SH2B1: variants seen among roughly 807,000 people sequenced by gnomAD.
SH2B1 encodes SH2B adapter protein 1.
Under a neutral mutation model 62.6 loss-of-function variants are expected in SH2B1, and 15 were observed. The observed-to-expected ratio is 0.24, with a 90% confidence interval of 0.16 to 0.37. The LOEUF is 0.37. Among genes scored for constraint, SH2B1 ranks in the 10% least tolerant of loss-of-function variants. SH2B1 has a pLI of 1.00. For synonymous variants in SH2B1, 443 were observed against 438.0 expected (o/e 1.01, Z -0.14); for missense variants, 925 against 1,015.6 (o/e 0.91, Z 1.21).
At position 28,865,113 on chromosome 16, in the gene SH2B1, G is replaced by A. The variant is rs1427699184; in HGVS notation, c.-982G>A. On this transcript the variant is annotated 5_prime_UTR_variant, in exon 1 of 8. Transcript: ENST00000684370. ...CTGCCTTTAGGGCATACTCCCCAGTGGGAGAAGAGGAAGGTGAAAAATCCT... is the reference window on the plus strand; with the variant it reads ...CTGCCTTTAGGGCATACTCCCCAGTAGGAGAAGAGGAAGGTGAAAAATCCT... 1 of 985,454 alleles carries A rather than the reference G, an allele frequency of 1.0e-6. No individual in the cohort carries two copies. The highest frequency in any genetic ancestry group is 1.2e-6 in the Non-Finnish European group (1 of 829,974). The allele number at this position is 985,454 out of a possible 1,614,324, so 61.0% of individuals were successfully genotyped here.
At chr16:28,867,814 A>G (rs1258927307) in intron 2 of SH2B1, among the ~76,000 whole-genome samples, 1 of 152,130 alleles carries the variant, frequency 6.6e-6, no homozygotes, top group Non-Finnish European at 1.5e-5. Context: ...ATGTGACACC[A>G]TGCCTGGCTA....
chr16:28,853,927 G>A (rs192791670), intron 1 of SH2B1, among the ~76,000 whole-genome samples: 51 of 149,250 alleles, frequency 3.4e-4, no homozygotes, highest in African/African-American at 1.2e-3. Context: ...CGTAAAACCC[G>A]GGAGGTGGAG....
intron 1 of SH2B1, among the ~76,000 whole-genome samples, chr16:28,847,880 C>T (rs1431318513): frequency 1.5e-5 from 2 of 133,610 alleles, no homozygotes; most frequent in East Asian, 2.3e-4. Context: ...GGCTGGAGTG[C>T]AATGGGGCGA....
rs1466172903 is a variant in SH2B1, at chr16:28,852,456, ATATT to A, written c.-301+5633_-301+5636del. 6.3e-5 allele frequency among the ~76,000 whole-genome samples: 6 copies of A among 95,626 alleles called. 2 individuals carry two copies. The East Asian group carries it at 8.7e-4, about 14-fold the overall frequency. 62.7% of individuals were successfully genotyped at this position (95,626 alleles called of 152,430 possible). A position where few individuals can be genotyped will look rare whatever the true frequency, so the allele number is the denominator to read the frequency against. On this transcript the variant is annotated intron_variant, in intron 1 of 10. Coordinates refer to the SH2B1 transcript ENST00000322610. ...TATATTTATATATATATTTACATAT[ATATT>A]TATATATATACATATATATTTATAT... is the stretch of plus-strand genomic sequence containing the variant.
intron 1 of SH2B1, 25 bp from the exon 2 acceptor site, chr16:28,867,306 G>C: frequency 6.4e-7 from 1 of 1,565,898 alleles, no homozygotes; most frequent in African/African-American, 1.4e-5. Flanking sequence ...CAAACACCCA[G>C]ATCTGTTTCT....
At chr16:28,853,612 C>T (rs1268213708) in intron 1 of SH2B1, among the ~76,000 whole-genome samples, 1 of 147,960 alleles carries the variant, frequency 6.8e-6, no homozygotes, top group Admixed American at 7.0e-5. Context: ...ACTTTAGCTT[C>T]CTGAAATGCT....
Position 28,871,987 on chromosome 16 carries a change from C to A in SH2B1, c.1513+4C>A. ...GACACTCCGGAAACAGCCACAGGTA[C>A]CGGAGGTGTGAGTGTGCATGTCTCC... On this transcript the variant is annotated splice_donor_region_variant and intron_variant, in intron 5 of 7. Coordinates refer to ENST00000684370, the MANE Select transcript of SH2B1 (RefSeq NM_001387430.1). 1 of 1,584,306 alleles carries A rather than the reference C, an allele frequency of 6.3e-7. No homozygotes were observed. The highest frequency in any genetic ancestry group is 8.7e-7 in the Non-Finnish European group (1 of 1,153,386).
In SH2B1 at chr16:28,865,064, C is replaced by A; in HGVS notation, c.-1031C>A. ...TTTGAGCCCTGGTCTGACTCAAGTC[C>A]ATGGCCTTAACCAGAAGGCTAACCT... On this transcript the variant is annotated 5_prime_UTR_variant, in exon 1 of 8. Transcript: ENST00000684370. The A allele has an allele frequency of 8.1e-6, 8 of 985,222 alleles. No individual in the cohort carries two copies. Among genetic ancestry groups the A allele is most frequent in the Non-Finnish European group, 9.6e-6 (8 of 829,698 alleles). 61.0% of individuals were successfully genotyped at this position (985,222 alleles called of 1,614,324 possible). A position where few individuals can be genotyped will look rare whatever the true frequency, so the allele number is the denominator to read the frequency against.
intron 1 of SH2B1, among the ~76,000 whole-genome samples, chr16:28,857,986 A>C (rs749544532): frequency 6.6e-6 from 1 of 151,678 alleles, no homozygotes; most frequent in Non-Finnish European, 1.5e-5. Context: ...TGATCCGCCC[A>C]CCTCAGCCTC....
At chr16:28,852,723 T>TA in intron 1 of SH2B1, among the ~76,000 whole-genome samples, 1 of 72,782 alleles carries the variant, frequency 1.4e-5, no homozygotes, top group African/African-American at 5.9e-5. Flanking sequence ...TACATATATA[T>TA]TTATATATAT....
upstream of SH2B1, chr16:28,861,514 G>A (rs1220225236): frequency 6.6e-6 from 1 of 151,156 alleles, no homozygotes; most frequent in Non-Finnish European, 1.5e-5. Context: ...CTCACTGCAA[G>A]CTCTGCCTCC....
At chr16:28,854,978 C>T (rs112900600) in intron 1 of SH2B1, among the ~76,000 whole-genome samples, 3 of 151,800 alleles carry the variant, frequency 2.0e-5, no homozygotes, top group Non-Finnish European at 4.4e-5. Flanking sequence ...TGGGTTCAAG[C>T]GATTCTCCTG....
At chr16:28,858,975 T>G (rs543664037), upstream of SH2B1, among the ~76,000 whole-genome samples, 84 of 152,150 alleles carry the variant, frequency 5.5e-4, no homozygotes, top group Middle Eastern at 3.4e-3. Context: ...TTTATTTGGT[T>G]TTTTTTAGAG....
chr16:28,848,990 ACT>A (rs2152151238), intron 1 of SH2B1, among the ~76,000 whole-genome samples: 1 of 151,666 alleles, frequency 6.6e-6, no homozygotes, highest in African/African-American at 2.4e-5. Context: ...CTATAATTTA[ACT>A]CTCATTTTAC....
intron 2 of SH2B1, among the ~76,000 whole-genome samples, chr16:28,868,006 G>A (rs1962818888): frequency 6.6e-6 from 1 of 152,100 alleles, no homozygotes; most frequent in African/African-American, 2.4e-5. Flanking sequence ...TTTTTTGTAT[G>A]TTTAGCAGAA....
intron 1 of SH2B1, among the ~76,000 whole-genome samples, chr16:28,847,063 AAGAC>A (rs755086335): frequency 6.6e-6 from 1 of 152,162 alleles, no homozygotes; most frequent in Non-Finnish European, 1.5e-5. Context: ...CAGAGCCCAC[AAGAC>A]AGACAGCTTC....
chr16:28,863,579 G>A, upstream of SH2B1: 1 of 1,162,316 alleles, frequency 8.6e-7, no homozygotes, highest in South Asian at 1.4e-5. Context: ...CTCTATGGTC[G>A]ACATCGCCCC....
Position 28,872,481 on chromosome 16 carries a change from T to C in SH2B1, c.1726-53T>C. The C allele has an allele frequency of 6.3e-6, 10 of 1,580,114 alleles. No individual in the cohort carries two copies. The highest frequency in any genetic ancestry group is 8.6e-6 in the Non-Finnish European group (10 of 1,159,580). On this transcript the variant is annotated intron_variant, in intron 6 of 7. Coordinates refer to ENST00000684370, the MANE Select transcript of SH2B1 (RefSeq NM_001387430.1). This position sits in a 1 kb window ranked among gnomAD's most constrained non-coding sequence, Gnocchi z 5.3. ...GGGAGCACTGCCGGGGGAGGGGGTT[T>C]GTACCTGGCAGGGCCTTTGCCTCCT...
chr16:28,863,728 T>A (rs762121580), upstream of SH2B1: 5 of 1,535,054 alleles, frequency 3.3e-6, no homozygotes, highest in Non-Finnish European at 4.4e-6. Flanking sequence ...TCTCCTGGGG[T>A]CGGCGCCGAG....
Sources: allele counts gnomAD v4.1 joint callset (sites outside exome capture counted in the v4.1 genomes callset), GRCh38; gene constraint gnomAD v4.1.1; non-coding constraint Gnocchi (gnomAD v3.1); transcripts MANE v1.5; gene names NCBI Gene and HGNC (gene_info 2026-07-23, HGNC 2026-07-21).